SPOCK1: variants seen among roughly 807,000 people sequenced by gnomAD.
SPOCK1 encodes testican-1.
In SPOCK1, 23 loss-of-function variants were observed where a neutral mutation model predicts 55.3. The ratio of observed to expected loss-of-function variants is 0.42; its 90% CI spans 0.30 to 0.59. The LOEUF is 0.59. Among genes scored for constraint, SPOCK1 ranks in the 20% least tolerant of loss-of-function variants. The pLI is 0.22. For missense variants in SPOCK1, 499 were observed against 552.5 expected, an observed-to-expected ratio of 0.90 and a Z score of 0.97; for synonymous variants, 226 against 221.0, an observed-to-expected ratio of 1.02 and a Z score of -0.20.
At chr5:137,404,104 G>A (rs192668293) in intron 2 of SPOCK1, among the ~76,000 whole-genome samples, 2 of 152,282 alleles carry the variant, frequency 1.3e-5, no homozygotes, top group Admixed American at 6.5e-5. Flanking sequence ...CTCACTGAGC[G>A]TATCCACACT....
intron 4 of SPOCK1, among the ~76,000 whole-genome samples, chr5:137,116,813 C>T (rs538662295): frequency 6.6e-6 from 1 of 152,254 alleles, no homozygotes; most frequent in South Asian, 2.1e-4. Flanking sequence ...TTTGCTCCAG[C>T]CACTCTCAGC....
intron 2 of SPOCK1, among the ~76,000 whole-genome samples, chr5:137,324,979 G>C (rs1231261578): frequency 6.7e-6 from 1 of 149,528 alleles, no homozygotes; most frequent in Non-Finnish European, 1.5e-5. Context: ...AAAAAAATGA[G>C]GGGTTTGCAC....
intron 6 of SPOCK1, among the ~76,000 whole-genome samples, chr5:137,004,095 G>C (rs1751198614): frequency 6.6e-6 from 1 of 152,126 alleles, no homozygotes; most frequent in Non-Finnish European, 1.5e-5. Flanking sequence ...ACTCTTTCTT[G>C]CAACAAAGGT....
intron 2 of SPOCK1, among the ~76,000 whole-genome samples, chr5:137,373,081 A>G (rs1751235266): frequency 6.6e-6 from 1 of 152,174 alleles, no homozygotes; most frequent in Admixed American, 6.5e-5. Context: ...TGCAGCAGGA[A>G]GTCCCTCACC....
At chr5:137,327,241 T>C (rs1442759146) in intron 2 of SPOCK1, among the ~76,000 whole-genome samples, 2 of 152,222 alleles carry the variant, frequency 1.3e-5, no homozygotes, top group Non-Finnish European at 2.9e-5. Context: ...TCACCTAAAA[T>C]GCTGCCTTCC....
At chr5:137,420,932 T>G (rs898696449) in intron 2 of SPOCK1, among the ~76,000 whole-genome samples, 51 of 152,226 alleles carry the variant, frequency 3.4e-4, no homozygotes, top group Non-Finnish European at 5.4e-4. Flanking sequence ...TTGTGGGCAT[T>G]TAGTGCTATA....
intron 2 of SPOCK1, among the ~76,000 whole-genome samples, chr5:137,392,114 T>C (rs1376245555): frequency 6.6e-6 from 1 of 152,182 alleles, no homozygotes; most frequent in Non-Finnish European, 1.5e-5. Context: ...AAATTAATTC[T>C]ATCCACAATA....
intron 2 of SPOCK1, among the ~76,000 whole-genome samples, chr5:137,374,132 T>C (rs1346752334): frequency 6.6e-6 from 1 of 152,246 alleles, no homozygotes; most frequent in Admixed American, 6.5e-5. Flanking sequence ...CCTATTGTTA[T>C]TACAAACAGT....
intron 4 of SPOCK1, among the ~76,000 whole-genome samples, chr5:137,128,131 G>T (rs1753810898): frequency 1.3e-5 from 2 of 152,162 alleles, no homozygotes; most frequent in Non-Finnish European, 2.9e-5. Flanking sequence ...AAGGCCCGTA[G>T]ATATTCCTGG....
chr5:137,289,088 T>C (rs896974562), intron 2 of SPOCK1, among the ~76,000 whole-genome samples: 8 of 152,174 alleles, frequency 5.3e-5, no homozygotes, highest in African/African-American at 1.7e-4. Flanking sequence ...AGAAATGAAC[T>C]GAACCTCACT....
At chr5:137,039,646 G>C (rs988744656) in intron 6 of SPOCK1, among the ~76,000 whole-genome samples, 4 of 152,204 alleles carry the variant, frequency 2.6e-5, no homozygotes, top group African/African-American at 9.6e-5. Flanking sequence ...AGTAGGAAAG[G>C]CTTTGCTAAT....
chr5:137,062,470 T>A (rs1752410959), intron 6 of SPOCK1, among the ~76,000 whole-genome samples: 1 of 151,498 alleles, frequency 6.6e-6, no homozygotes, highest in South Asian at 2.1e-4. Context: ...AAATCTACCT[T>A]AAAGCCTCCA....
intron 4 of SPOCK1, among the ~76,000 whole-genome samples, chr5:137,125,989 T>C (rs1414556865): frequency 6.6e-6 from 1 of 152,160 alleles, no homozygotes; most frequent in Non-Finnish European, 1.5e-5. Context: ...TTGGTAGAAA[T>C]TGGATAGTAA....
intron 10 of SPOCK1, 151 bp from the exon 11 acceptor site, chr5:136,978,995 G>T: frequency 1.2e-6 from 1 of 854,162 alleles, no homozygotes; most frequent in Non-Finnish European, 1.8e-6. Flanking sequence ...AGTCTTCAGG[G>T]CATACATTAC....
intron 2 of SPOCK1, among the ~76,000 whole-genome samples, chr5:137,403,422 G>C (rs1752026523): frequency 6.6e-6 from 1 of 152,106 alleles, no homozygotes; most frequent in Non-Finnish European, 1.5e-5. Context: ...GGATAAAATG[G>C]TAAACAAACA....
chr5:137,164,721 C>T (rs929588669), intron 3 of SPOCK1, among the ~76,000 whole-genome samples: 1 of 152,106 alleles, frequency 6.6e-6, no homozygotes, highest in African/African-American at 2.4e-5. Flanking sequence ...TGGCAGCCTT[C>T]ACCACAAACT....
intron 3 of SPOCK1, among the ~76,000 whole-genome samples, chr5:137,163,999 T>A (rs754418696): frequency 1.3e-5 from 2 of 152,186 alleles, no homozygotes; most frequent in Non-Finnish European, 2.9e-5. Context: ...GCCACCTTGT[T>A]TGAAATGTAA....
intron 2 of SPOCK1, among the ~76,000 whole-genome samples, chr5:137,267,967 A>C (rs1561488880): frequency 1.3e-5 from 2 of 152,204 alleles, no homozygotes; most frequent in African/African-American, 4.8e-5. Flanking sequence ...TTGCTTTGCT[A>C]TATGTGTTTT....
rs1323312312 is a variant in SPOCK1, at chr5:137,160,570, ATTATATAATAT to A, written c.233-19887_233-19877del. 1.4e-3 allele frequency among the ~76,000 whole-genome samples: 106 copies of A among 73,128 alleles called. 1 individual carries two copies. Among genetic ancestry groups the A allele is most frequent in the Middle Eastern group, 6.0e-3 (1 of 168 alleles). The allele number at this position is 73,128 out of a possible 152,430, so 48.0% of individuals were successfully genotyped here. A position where few individuals can be genotyped will look rare whatever the true frequency, so the allele number is the denominator to read the frequency against. On this transcript the variant is annotated intron_variant, in intron 3 of 10. Transcript: ENST00000394945. ...ATATAATATATATTATATATTATAT[ATTATATAATAT>A]ATATAATATATAATATATTATATAT... is the stretch of plus-strand genomic sequence containing the variant.
Sources: gnomAD v4.1 joint callset for allele counts (sites outside exome capture counted in the v4.1 genomes callset) on GRCh38, gnomAD v4.1.1 for gene constraint, MANE v1.5 for transcripts, NCBI Gene and HGNC (gene_info 2026-07-23, HGNC 2026-07-21) for gene names.